Variants in IL20RB observed in about 807,000 individuals in gnomAD.
The protein encoded by IL20RB is interleukin-20 receptor subunit beta.
IL20RB carries 21 observed loss-of-function variants against 33.3 expected under a neutral mutation model. The ratio of observed to expected loss-of-function variants is 0.63; its 90% confidence interval spans 0.45 to 0.91. The LOEUF (loss-of-function observed/expected upper bound fraction) is 0.91. Among genes scored for constraint, IL20RB ranks in the 40% least tolerant of loss-of-function variants. IL20RB has a pLI of 0.00. For missense variants in IL20RB, 345 were observed against 384.8 expected, an observed-to-expected ratio of 0.90 and a Z score of 0.86; for synonymous variants, 147 against 146.8, an observed-to-expected ratio of 1.00 and a Z score of -0.01.
intron 6 of IL20RB, among the ~76,000 whole-genome samples, chr3:137,009,664 C>T (rs923795698): frequency 3.3e-5 from 5 of 152,148 alleles, no homozygotes; most frequent in South Asian, 4.1e-4. Context: ...CTCAGCCTCA[C>T]GAGTAGCTGG....
intron 1 of IL20RB, chr3:136,959,009 CA>C (rs1941123562): frequency 2.0e-5 from 3 of 152,028 alleles, no homozygotes; most frequent in African/African-American, 7.2e-5. Context: ...TAGTTTACAT[CA>C]GGTAACAAAT....
At chr3:136,959,012 G>A (rs1041911218) in intron 1 of IL20RB, 8 of 151,788 alleles carry the variant, frequency 5.3e-5, no homozygotes, top group African/African-American at 1.7e-4. Context: ...TTTACATCAG[G>A]TAACAAATCA....
rs1398659816 is a variant in IL20RB, at chr3:137,010,625, G to C, written c.*402G>C. ...CTTGCAAGGCTAGAGGGAAACTGGT[G>C]ACACTCTACAGTCTGACTGATTCAG... On this transcript the variant is annotated 3_prime_UTR_variant, in exon 7 of 7. Transcript: ENST00000329582. 1 of 158,812 alleles carries C rather than the reference G, an allele frequency of 6.3e-6. No individual in the cohort carries two copies. The highest frequency in any genetic ancestry group is 1.4e-5 in the Non-Finnish European group (1 of 72,392). 9.8% of individuals were successfully genotyped at this position (158,812 alleles called of 1,614,324 possible). A position where few individuals can be genotyped will look rare whatever the true frequency, so the allele number is the denominator to read the frequency against.
intron 1 of IL20RB, chr3:136,959,457 A>C (rs1331339660): frequency 6.6e-6 from 1 of 152,186 alleles, no homozygotes; most frequent in East Asian, 1.9e-4. Context: ...CACATCTCCT[A>C]GCACAGGCTA....
chr3:137,001,399 C>T (rs909727560), intron 6 of IL20RB, among the ~76,000 whole-genome samples: 4 of 152,236 alleles, frequency 2.6e-5, no homozygotes, highest in African/African-American at 7.2e-5. Flanking sequence ...AGATCACTAG[C>T]GTCCATTGAA....
At chr3:136,999,678 C>A (rs1053092813) in intron 6 of IL20RB, among the ~76,000 whole-genome samples, 2 of 151,328 alleles carry the variant, frequency 1.3e-5, no homozygotes, top group African/African-American at 4.9e-5. Flanking sequence ...TAAAAAACTT[C>A]TTTTCCTCTT....
At position 136,980,446 on chromosome 3, in the gene IL20RB, G is replaced by T. The variant is rs564251799; in HGVS notation, c.89-20G>T. 9.9e-6 allele frequency: 16 copies of T among 1,614,018 alleles called. No homozygotes were observed. The East Asian group carries it at 1.1e-4, about 11-fold the overall frequency. ...CACTATGAGCCCACCTGTCAGCCAG[G>T]CTATCTGCCTTGATCCTAGATGAAG... On this transcript the variant is annotated intron_variant, in intron 1 of 6. Transcript: ENST00000329582.
chr3:136,989,648 C>T (rs563234188), intron 4 of IL20RB, 83 bp downstream of exon 4: 18 of 1,512,062 alleles, frequency 1.2e-5, no homozygotes, highest in Non-Finnish European at 1.5e-5. Context: ...AAGGCTGCCC[C>T]TGCTCACTGG....
chr3:136,995,447 C>T lies in IL20RB; in HGVS notation c.716C>T (p.Ala239Val), dbSNP rs1486986564. Residue 239 changes from alanine (A) to valine (V), a missense_variant, in exon 6 of 7, where the codon GCC (alanine) becomes GTC (valine). Ala to Val is a moderately conservative substitution (Grantham distance 64, BLOSUM62 0). Transcript: ENST00000329582. ...EAIPLVLALF[A>V]FVGFMLILVV... Reference sequence around the variant, plus strand: ...ATTCCCCTGGTACTGGCCCTGTTTGCCTTTGTTGGCTTCATGCTGATCCTT... The same window carrying T: ...ATTCCCCTGGTACTGGCCCTGTTTGTCTTTGTTGGCTTCATGCTGATCCTT... 7 of 1,614,014 alleles carry T rather than the reference C, an allele frequency of 4.3e-6. No individual in the cohort carries two copies. The highest frequency in any genetic ancestry group is 1.3e-5 in the African/African-American group (1 of 74,922).
At chr3:137,004,530 T>C (rs1942313622) in intron 6 of IL20RB, among the ~76,000 whole-genome samples, 1 of 152,242 alleles carries the variant, frequency 6.6e-6, no homozygotes. Flanking sequence ...CCATTTCTTC[T>C]AGATTTTCTA....
At chr3:136,983,120 C>T (rs1409374362) in intron 3 of IL20RB, among the ~76,000 whole-genome samples, 1 of 151,816 alleles carries the variant, frequency 6.6e-6, no homozygotes. Flanking sequence ...CGGAGTCTCA[C>T]TCTGTCACCC....
intron 1 of IL20RB, among the ~76,000 whole-genome samples, chr3:136,974,663 C>G (rs961789031): frequency 6.6e-6 from 1 of 152,182 alleles, no homozygotes; most frequent in Non-Finnish European, 1.5e-5. Flanking sequence ...GTCTAAATAT[C>G]TTGCTAGACA....
intron 6 of IL20RB, among the ~76,000 whole-genome samples, chr3:137,004,978 A>G (rs1942323758): frequency 6.6e-6 from 1 of 152,128 alleles, no homozygotes; most frequent in Admixed American, 6.5e-5. Context: ...CTTTGTTGTC[A>G]TTGGTTTCAA....
At chr3:136,974,524 A>G (rs1046943224) in intron 1 of IL20RB, among the ~76,000 whole-genome samples, 1 of 152,112 alleles carries the variant, frequency 6.6e-6, no homozygotes, top group Non-Finnish European at 1.5e-5. Flanking sequence ...TGGGGTTTCC[A>G]TCAGACTAGA....
chr3:137,009,320 C>A (rs1933019815), intron 6 of IL20RB, among the ~76,000 whole-genome samples: 1 of 152,072 alleles, frequency 6.6e-6, no homozygotes, highest in Non-Finnish European at 1.5e-5. Context: ...GTGGGAGAGT[C>A]CACCTGAAAA....
chr3:136,977,169 G>T (rs1381129518), intron 1 of IL20RB, among the ~76,000 whole-genome samples: 1 of 152,168 alleles, frequency 6.6e-6, no homozygotes, highest in Non-Finnish European at 1.5e-5. Context: ...AGTGGAGGAG[G>T]TAAGCATGAA....
intron 1 of IL20RB, 60 bp from the exon 2 acceptor site, chr3:136,980,406 G>A: frequency 6.2e-7 from 1 of 1,609,538 alleles, no homozygotes; most frequent in African/African-American, 1.3e-5. Context: ...CTAATTTGAA[G>A]CTATGGCATT....
chr3:136,997,570 T>C (rs1942155331), intron 6 of IL20RB, among the ~76,000 whole-genome samples: 2 of 150,872 alleles, frequency 1.3e-5, no homozygotes, highest in African/African-American at 4.9e-5. Context: ...GTGATATCAG[T>C]ATATCTTTTT....
At position 136,982,246 on chromosome 3, in the gene IL20RB, A is replaced by C; in HGVS notation, c.302A>C (p.Asp101Ala). 6.2e-7 allele frequency: 1 copy of C among 1,610,372 alleles called. No individual in the cohort carries two copies. Among genetic ancestry groups the C allele is most frequent in the Non-Finnish European group, 8.5e-7 (1 of 1,176,862 alleles). Residue 101 changes from aspartate to alanine, a missense_variant, in exon 3 of 7, where the codon GAT becomes GCT. Transcript: ENST00000329582. ...GAAGGTCCTGAGTGTGATGTCACTG[A>C]TGACATCACGGCCACTGTGCCATAC... The part of the protein sequence containing the change: ...LTEGPECDVT[D>A]DITATVPYNL...
Sources: allele counts gnomAD v4.1 joint callset (sites outside exome capture counted in the v4.1 genomes callset), GRCh38; gene constraint gnomAD v4.1.1; transcripts MANE v1.5; gene names NCBI Gene and HGNC (gene_info 2026-07-23, HGNC 2026-07-21).